Variants in C10orf90 observed in about 807,000 individuals in gnomAD.
C10orf90 encodes (E2-independent) E3 ubiquitin-conjugating enzyme FATS.
In C10orf90, 56 loss-of-function variants were observed where a neutral mutation model predicts 62.5. That is an observed-to-expected ratio of 0.90 (90% CI 0.72 to 1.12). The LOEUF (loss-of-function observed/expected upper bound fraction) is 1.12, where lower values mean the gene tolerates loss of function less well. Ranked by LOEUF, C10orf90 falls within the 50% of genes most tolerant of loss-of-function variation. C10orf90 has a pLI of 0.00. For synonymous variants in C10orf90, 386 were observed against 340.4 expected (o/e 1.13, Z -1.47); for missense variants, 970 against 880.4 (o/e 1.10, Z -1.29).
At chr10:126,426,139 C>T in intron 8 of C10orf90, 49 bp from the exon 9 acceptor site, 1 of 1,466,130 alleles carries the variant, frequency 6.8e-7, no homozygotes, top group Non-Finnish European at 9.5e-7. Flanking sequence ...ACAGCGTGCT[C>T]CCGCTGTGGG....
At chr10:126,442,760 C>T (rs1858482654) in intron 7 of C10orf90, among the ~76,000 whole-genome samples, 1 of 143,986 alleles carries the variant, frequency 6.9e-6, no homozygotes, top group Non-Finnish European at 1.5e-5. Context: ...ATATGACAGG[C>T]TACAAAACAA....
chr10:126,454,149 C>A (rs1859380971), intron 7 of C10orf90, among the ~76,000 whole-genome samples: 1 of 152,034 alleles, frequency 6.6e-6, no homozygotes, highest in South Asian at 2.1e-4. Flanking sequence ...TGTGGCATCC[C>A]CTATGACCAC....
At chr10:126,636,317 G>A (rs1845949509) in intron 2 of C10orf90, among the ~76,000 whole-genome samples, 1 of 152,096 alleles carries the variant, frequency 6.6e-6, no homozygotes, top group South Asian at 2.1e-4. Context: ...ATTTCACCAA[G>A]GGGAGTTAAG....
At chr10:126,485,075 T>C (rs1336308221) in intron 4 of C10orf90, among the ~76,000 whole-genome samples, 2 of 152,190 alleles carry the variant, frequency 1.3e-5, no homozygotes, top group Admixed American at 1.3e-4. Context: ...CTCAGTGTGA[T>C]ATTATTAGGA....
intron 2 of C10orf90, among the ~76,000 whole-genome samples, chr10:126,598,398 C>CT (rs905123084): frequency 9.0e-4 from 134 of 149,650 alleles, no homozygotes; most frequent in African/African-American, 2.7e-3. Flanking sequence ...CTCTTGACAT[C>CT]TTTTTTTTTT....
chr10:126,638,694 G>T (rs1374921689), intron 2 of C10orf90, among the ~76,000 whole-genome samples: 1 of 152,108 alleles, frequency 6.6e-6, no homozygotes, highest in Non-Finnish European at 1.5e-5. Flanking sequence ...CCTCAGATAA[G>T]CTCCCCCAGC....
chr10:126,547,159 C>T (rs1405993007), intron 2 of C10orf90, among the ~76,000 whole-genome samples: 2 of 151,622 alleles, frequency 1.3e-5, no homozygotes, highest in Non-Finnish European at 2.9e-5. Flanking sequence ...GTGGCTCACG[C>T]CTGTAATCCC....
intron 7 of C10orf90, among the ~76,000 whole-genome samples, chr10:126,450,166 G>A (rs1859082817): frequency 1.3e-5 from 2 of 152,086 alleles, no homozygotes; most frequent in African/African-American, 4.8e-5. Flanking sequence ...GAACACTGAT[G>A]AAAGAAACTG....
At chr10:126,512,317 G>C (rs1863159023) in intron 3 of C10orf90, among the ~76,000 whole-genome samples, 2 of 150,454 alleles carry the variant, frequency 1.3e-5, no homozygotes, top group South Asian at 2.1e-4. Flanking sequence ...GTCTGTGTGT[G>C]TGTGTGTTCT....
intron 2 of C10orf90, among the ~76,000 whole-genome samples, chr10:126,532,110 G>C (rs1864110371): frequency 6.6e-6 from 1 of 152,120 alleles, no homozygotes; most frequent in South Asian, 2.1e-4. Flanking sequence ...CTTAGCTCTG[G>C]AGCTAGCATG....
At chr10:126,526,439 T>A (rs1422169697) in intron 2 of C10orf90, among the ~76,000 whole-genome samples, 1 of 151,508 alleles carries the variant, frequency 6.6e-6, no homozygotes, top group East Asian at 1.9e-4. Flanking sequence ...AGAGATGGGG[T>A]TTCACCGTGT....
At chr10:126,620,743 G>GA (rs35028354) in intron 2 of C10orf90, among the ~76,000 whole-genome samples, 1,604 of 135,256 alleles carry the variant, frequency 0.012, 20 homozygotes, top group African/African-American at 0.027. Flanking sequence ...GTGGGGGCTA[G>GA]AAAAAAAAAA....
At chr10:126,649,075 C>CCA (rs1554932163) in intron 1 of C10orf90, among the ~76,000 whole-genome samples, 2 of 34,630 alleles carry the variant, frequency 5.8e-5, no homozygotes, top group African/African-American at 1.4e-4. Flanking sequence ...TCTCTCTCCC[C>CCA]CCCCCCCAGC....
intron 4 of C10orf90, among the ~76,000 whole-genome samples, chr10:126,471,942 C>CGT (rs1564816465): frequency 6.6e-6 from 1 of 151,752 alleles, no homozygotes; most frequent in African/African-American, 2.4e-5. Flanking sequence ...CACACACACA[C>CGT]GTGCACACAC....
At chr10:126,440,838 G>C (rs569466875) in intron 7 of C10orf90, among the ~76,000 whole-genome samples, 2 of 152,264 alleles carry the variant, frequency 1.3e-5, no homozygotes, top group East Asian at 1.9e-4. Flanking sequence ...ATAGGAAAAG[G>C]GGGAGAGTAC....
chr10:126,627,916 A>G (rs1352985914), intron 2 of C10orf90, among the ~76,000 whole-genome samples: 1 of 152,220 alleles, frequency 6.6e-6, no homozygotes, highest in Non-Finnish European at 1.5e-5. Flanking sequence ...TCATGTTAAG[A>G]TGAATAGTGC....
chr10:126,504,139 TG>T lies in C10orf90; in HGVS notation c.1351del (p.His451IlefsTer30), dbSNP rs773625092. 2.5e-6 allele frequency: 4 copies of T among 1,614,024 alleles called. No individual in the cohort carries two copies. In the Admixed American group the frequency reaches 6.7e-5, roughly 27 times the overall value. ...CCAAGGACAAGCGCCGGTCCCCAAA[TG>T]CACCCGCCTCAACGATGGGGTTTCC... ...LKETPSLRRV[H>X]LGTGACPWSG... On this transcript the variant is annotated frameshift_variant, in exon 4 of 10. Transcript: ENST00000488181. LOFTEE classifies it high-confidence loss of function. The surrounding 1 kb of genome is among the most constrained non-coding windows in gnomAD (Gnocchi z 4.1).
chr10:126,576,085 A>C (rs531307825), intron 2 of C10orf90, among the ~76,000 whole-genome samples: 1 of 152,276 alleles, frequency 6.6e-6, no homozygotes, highest in Admixed American at 6.5e-5. Flanking sequence ...ATTATACAGC[A>C]AACTGAAAAG....
chr10:126,482,456 A>G (rs1861218677), intron 4 of C10orf90, among the ~76,000 whole-genome samples: 1 of 152,236 alleles, frequency 6.6e-6, no homozygotes, highest in African/African-American at 2.4e-5. Context: ...TGTATAAACT[A>G]AATGGCAAAC....
Sources: allele counts gnomAD v4.1 joint callset (sites outside exome capture counted in the v4.1 genomes callset), GRCh38; gene constraint gnomAD v4.1.1; non-coding constraint Gnocchi (gnomAD v3.1); transcripts MANE v1.5; gene names NCBI Gene and HGNC (gene_info 2026-07-23, HGNC 2026-07-21).